The following NDFIP1 variants were observed in gnomAD, a reference collection of about 807,000 sequenced individuals.
The protein encoded by NDFIP1 is Nedd4 family interacting protein 1, also known as NEDD4 family-interacting protein 1.
Under a neutral mutation model 28.8 loss-of-function variants are expected in NDFIP1, and 7 were observed. That is an observed-to-expected ratio of 0.24 (90% CI 0.14 to 0.46). The LOEUF (loss-of-function observed/expected upper bound fraction) is 0.46. NDFIP1 is among the 20% of genes least tolerant of loss of function. The pLI is 0.99. For synonymous variants in NDFIP1, 92 were observed against 101.0 expected, an observed-to-expected ratio of 0.91 and a Z score of 0.53; for missense variants, 194 against 269.1, an observed-to-expected ratio of 0.72 and a Z score of 1.95.
At chr5:142,125,042 G>A (rs976739818) in intron 1 of NDFIP1, among the ~76,000 whole-genome samples, 17 of 152,090 alleles carry the variant, frequency 1.1e-4, no homozygotes, top group Non-Finnish European at 1.9e-4. Flanking sequence ...TAGCCAGGAT[G>A]GTCTCGATCT....
rs999312719 is a variant in NDFIP1 at position 142,126,552 on chromosome 5, G to A, written c.64-5256G>A. ...GTTTGTTTGTTTGTATGAATTCTGA[G>A]GTGTATGTTGATACCTTTTCTCATA... On this transcript the variant is annotated intron_variant, in intron 1 of 7. Transcript: ENST00000253814. Among the ~76,000 whole-genome samples the A allele has an allele frequency of 3.9e-5, 6 of 152,100 alleles. No homozygotes were observed. In the South Asian group the frequency reaches 8.3e-4, roughly 21 times the overall value.
At chr5:142,130,909 T>G (rs1340546692) in intron 1 of NDFIP1, among the ~76,000 whole-genome samples, 1 of 152,200 alleles carries the variant, frequency 6.6e-6, no homozygotes, top group Non-Finnish European at 1.5e-5. Flanking sequence ...TTTAGCTTTT[T>G]TCATGTAATA....
intron 1 of NDFIP1, among the ~76,000 whole-genome samples, chr5:142,113,104 G>A (rs1443173202): frequency 1.3e-5 from 2 of 152,160 alleles, no homozygotes; most frequent in Non-Finnish European, 1.5e-5. Context: ...CTGCCATGTA[G>A]GTTCAAACAG....
chr5:142,134,545 C>T (rs542734915), intron 3 of NDFIP1, among the ~76,000 whole-genome samples: 1 of 152,234 alleles, frequency 6.6e-6, no homozygotes, highest in Non-Finnish European at 1.5e-5. Flanking sequence ...CTAGTTCCCA[C>T]TCCCCAGGGG....
At chr5:142,123,094 C>T (rs1325653390) in intron 1 of NDFIP1, among the ~76,000 whole-genome samples, 2 of 152,064 alleles carry the variant, frequency 1.3e-5, no homozygotes, top group East Asian at 1.9e-4. Flanking sequence ...TCCCAAGTAG[C>T]TGGGACTACA....
chr5:142,144,747 A>G, intron 7 of NDFIP1, 71 bp downstream of exon 7: 1 of 1,009,366 alleles, frequency 9.9e-7, no homozygotes, highest in Non-Finnish European at 1.5e-6. Flanking sequence ...GTTCAGTTTT[A>G]GAGTAAGTAT....
chr5:142,138,565 G>A (rs1757297019), intron 5 of NDFIP1, among the ~76,000 whole-genome samples: 1 of 152,172 alleles, frequency 6.6e-6, no homozygotes, highest in Admixed American at 6.5e-5. Flanking sequence ...ACTAATGGGT[G>A]TTGCTTGACC....
chr5:142,145,274 G>A (rs1416272224), intron 7 of NDFIP1, among the ~76,000 whole-genome samples: 1 of 152,210 alleles, frequency 6.6e-6, no homozygotes, highest in East Asian at 1.9e-4. Context: ...CCCTTGCCTA[G>A]AACAGGAGGA....
At chr5:142,142,744 G>A (rs1405950034) in intron 6 of NDFIP1, among the ~76,000 whole-genome samples, 1 of 151,256 alleles carries the variant, frequency 6.6e-6, no homozygotes, top group Admixed American at 6.6e-5. Context: ...CATGGCCACC[G>A]TGGTGAAACC....
chr5:142,130,451 T>C (rs574203065), intron 1 of NDFIP1, among the ~76,000 whole-genome samples: 1 of 152,348 alleles, frequency 6.6e-6, no homozygotes, highest in South Asian at 2.1e-4. Context: ...TAATTTGGTG[T>C]GCATGTGGAA....
intron 3 of NDFIP1, among the ~76,000 whole-genome samples, chr5:142,133,446 T>C (rs1300659770): frequency 6.6e-6 from 1 of 152,236 alleles, no homozygotes; most frequent in African/African-American, 2.4e-5. Flanking sequence ...ATTATCTCCA[T>C]TTTACAGATG....
intron 1 of NDFIP1, among the ~76,000 whole-genome samples, chr5:142,117,606 A>G (rs1227511504): frequency 6.6e-6 from 1 of 152,252 alleles, no homozygotes; most frequent in East Asian, 1.9e-4. Context: ...ATTAAATAGT[A>G]ATACATTCTT....
chr5:142,109,461 C>T (rs1366073087), intron 1 of NDFIP1, among the ~76,000 whole-genome samples: 1 of 152,226 alleles, frequency 6.6e-6, no homozygotes, highest in Non-Finnish European at 1.5e-5. Flanking sequence ...CTGCTGCTGC[C>T]GATAGCTCCC....
intron 1 of NDFIP1, among the ~76,000 whole-genome samples, chr5:142,118,683 G>A (rs867990361): frequency 5.9e-5 from 9 of 152,240 alleles, no homozygotes; most frequent in Non-Finnish European, 8.8e-5. Flanking sequence ...GTAACACCTC[G>A]CTGAGGGCCA....
intron 1 of NDFIP1, among the ~76,000 whole-genome samples, chr5:142,127,150 G>A (rs1004307038): frequency 6.6e-6 from 1 of 152,066 alleles, no homozygotes; most frequent in African/African-American, 2.4e-5. Flanking sequence ...CGAGTAGTTG[G>A]GACTACAGGT....
intron 7 of NDFIP1, among the ~76,000 whole-genome samples, chr5:142,150,721 C>CAAAA (rs11301868): frequency 7.5e-6 from 1 of 133,814 alleles, no homozygotes. Context: ...CTCTTGTCTC[C>CAAAA]AAAAAAAAAA....
rs115180100 is a variant in NDFIP1 at position 142,144,358 on chromosome 5, A to G, written c.563-213A>G. 6.7e-3 allele frequency: 2,688 copies of G among 402,642 alleles called. 16 individuals are homozygous for G. The highest frequency in any genetic ancestry group is 1.0e-2 in the Middle Eastern group (14 of 1,406). 24.9% of individuals were successfully genotyped at this position (402,642 alleles called of 1,614,324 possible). A position where few individuals can be genotyped will look rare whatever the true frequency, so the allele number is the denominator to read the frequency against. On this transcript the variant is annotated intron_variant, in intron 6 of 7. Coordinates refer to ENST00000253814, the MANE Select transcript of NDFIP1 (RefSeq NM_030571.4). ...TAGACCAATTCAATTCTGAATGTGC[A>G]AAAGACACTATTGACTCTTACATTA... is the stretch of plus-strand genomic sequence containing the variant.
intron 3 of NDFIP1, among the ~76,000 whole-genome samples, chr5:142,134,521 C>T (rs575133333): frequency 3.3e-5 from 5 of 152,090 alleles, no homozygotes; most frequent in South Asian, 2.1e-4. Flanking sequence ...CCATTGCCAC[C>T]GACTTCCCTT....
intron 7 of NDFIP1, among the ~76,000 whole-genome samples, chr5:142,150,113 G>A (rs776452482): frequency 2.8e-4 from 43 of 151,636 alleles, no homozygotes; most frequent in Non-Finnish European, 5.2e-4. Context: ...CCCGGGGGGC[G>A]GAGCTTGCAG....
Sources: gnomAD v4.1 joint callset for allele counts (sites outside exome capture counted in the v4.1 genomes callset) on GRCh38, gnomAD v4.1.1 for gene constraint, MANE v1.5 for transcripts, NCBI Gene and HGNC (gene_info 2026-07-23, HGNC 2026-07-21) for gene names.